FOXN3: variants seen among roughly 807,000 people sequenced by gnomAD.
FOXN3 encodes the protein forkhead box N3.
Under a neutral mutation model 38.4 loss-of-function variants are expected in FOXN3, and 7 were observed. The observed-to-expected ratio is 0.18, with a 90% CI of 0.10 to 0.34. The LOEUF (loss-of-function observed/expected upper bound fraction) is 0.34, where lower values mean the gene tolerates loss of function less well. Ranked by LOEUF, FOXN3 falls within the 10% of genes least tolerant of loss-of-function variation. The pLI, the probability that FOXN3 is intolerant of heterozygous loss-of-function variation, is 1.00. For synonymous variants in FOXN3, 230 were observed against 242.2 expected, an observed-to-expected ratio of 0.95 and a Z score of 0.47; for missense variants, 456 against 613.4, an observed-to-expected ratio of 0.74 and a Z score of 2.71.
chr14:89,500,277 G>A (rs527698943), intron 1 of FOXN3, among the ~76,000 whole-genome samples: 2 of 152,188 alleles, frequency 1.3e-5, no homozygotes, highest in Non-Finnish European at 2.9e-5. Flanking sequence ...TTGTGTGTTT[G>A]GAAGCCATCG....
At chr14:89,375,206 T>A (rs572999296) in intron 2 of FOXN3, among the ~76,000 whole-genome samples, 5 of 152,274 alleles carry the variant, frequency 3.3e-5, no homozygotes, top group African/African-American at 1.2e-4. Context: ...ATGTACATAT[T>A]AGTCAAAATA....
intron 4 of FOXN3, among the ~76,000 whole-genome samples, chr14:89,278,391 G>T (rs1161191556): frequency 6.6e-6 from 1 of 152,106 alleles, no homozygotes; most frequent in African/African-American, 2.4e-5. Context: ...ATGAGATTTG[G>T]TTGGAGACAC....
chr14:89,379,132 A>T (rs1324790559), intron 2 of FOXN3, among the ~76,000 whole-genome samples: 1 of 152,158 alleles, frequency 6.6e-6, no homozygotes, highest in Non-Finnish European at 1.5e-5. Flanking sequence ...CATTTAAGGA[A>T]ACTAAACTCA....
intron 3 of FOXN3, among the ~76,000 whole-genome samples, chr14:89,306,559 G>A (rs1271720740): frequency 6.6e-6 from 1 of 152,078 alleles, no homozygotes; most frequent in Admixed American, 6.6e-5. Context: ...AGTAGAGACG[G>A]GGTTTCACTG....
At chr14:89,605,877 G>C (rs1047323903) in intron 1 of FOXN3, among the ~76,000 whole-genome samples, 3 of 152,208 alleles carry the variant, frequency 2.0e-5, no homozygotes, top group Admixed American at 6.5e-5. Context: ...CACTTTGAGA[G>C]ACTAACGCAG....
chr14:89,502,740 G>A lies in FOXN3; in HGVS notation c.-14-90250C>T, dbSNP rs368477126. Reference sequence around the variant, plus strand: ...AGTGTCGGGGGGAAAGAAGGAGTAGGTGTCTCACAGGGGGTCATCCCAAGG... The same window carrying A: ...AGTGTCGGGGGGAAAGAAGGAGTAGATGTCTCACAGGGGGTCATCCCAAGG... On this transcript the variant is annotated intron_variant, in intron 1 of 6. Transcript: ENST00000345097. 1.4e-3 allele frequency among the ~76,000 whole-genome samples: 217 copies of A among 152,280 alleles called. 1 individual carries two copies. Among genetic ancestry groups the A allele is most frequent in the African/African-American group, 5.0e-3 (207 of 41,554 alleles).
chr14:89,350,597 A>G (rs919694446), intron 3 of FOXN3, 75 bp downstream of exon 3: 1 of 1,285,084 alleles, frequency 7.8e-7, no homozygotes, highest in Non-Finnish European at 1.0e-6. Context: ...GGCCTATTAA[A>G]TTAATTTCCG....
At chr14:89,406,771 A>G (rs1017925280) in intron 2 of FOXN3, among the ~76,000 whole-genome samples, 2 of 127,766 alleles carry the variant, frequency 1.6e-5, no homozygotes, top group Admixed American at 1.8e-4. Context: ...AGCAAGAGGA[A>G]AGGTTAAAAA....
chr14:89,308,071 C>A (rs534798000), intron 3 of FOXN3, among the ~76,000 whole-genome samples: 2 of 152,228 alleles, frequency 1.3e-5, no homozygotes, highest in East Asian at 3.9e-4. Context: ...TCAAGACCAG[C>A]CTGGGCAACA....
At chr14:89,294,716 A>G (rs1243849523) in intron 3 of FOXN3, among the ~76,000 whole-genome samples, 2 of 152,204 alleles carry the variant, frequency 1.3e-5, no homozygotes, top group Non-Finnish European at 2.9e-5. Flanking sequence ...ACAGTTTACA[A>G]ATGCCATGCC....
intron 2 of FOXN3, among the ~76,000 whole-genome samples, chr14:89,381,016 C>A (rs1890627814): frequency 6.6e-6 from 1 of 151,874 alleles, no homozygotes; most frequent in Non-Finnish European, 1.5e-5. Flanking sequence ...GTGGCGTGTG[C>A]CCATAATCCC....
chr14:89,213,628 A>G (rs1884169966), intron 4 of FOXN3, among the ~76,000 whole-genome samples: 1 of 152,226 alleles, frequency 6.6e-6, no homozygotes, highest in Non-Finnish European at 1.5e-5. Flanking sequence ...AAATATACAG[A>G]TAAGTAAAAC....
intron 3 of FOXN3, among the ~76,000 whole-genome samples, chr14:89,307,556 C>T (rs1483732979): frequency 6.6e-6 from 1 of 152,124 alleles, no homozygotes; most frequent in African/African-American, 2.4e-5. Flanking sequence ...GACAGGCTCT[C>T]GTGAAAGTCG....
At chr14:89,327,235 T>C (rs1376001468) in intron 3 of FOXN3, among the ~76,000 whole-genome samples, 2 of 152,104 alleles carry the variant, frequency 1.3e-5, no homozygotes, top group Non-Finnish European at 2.9e-5. Context: ...TATGAAGAAG[T>C]ACACTAAGGA....
At chr14:89,220,037 T>C (rs1884414725) in intron 4 of FOXN3, among the ~76,000 whole-genome samples, 1 of 152,342 alleles carries the variant, frequency 6.6e-6, no homozygotes, top group Non-Finnish European at 1.5e-5. Flanking sequence ...ACTGATGAGC[T>C]GAACTTTATG....
At chr14:89,401,898 TA>T (rs1261141329) in intron 2 of FOXN3, among the ~76,000 whole-genome samples, 2 of 151,888 alleles carry the variant, frequency 1.3e-5, no homozygotes, top group African/African-American at 4.8e-5. Flanking sequence ...AAAGGAAGGG[TA>T]ATTGGAGAGC....
At chr14:89,405,701 C>T (rs61984697) in intron 2 of FOXN3, among the ~76,000 whole-genome samples, 21,553 of 152,042 alleles carry the variant, frequency 0.14, 1,623 homozygotes, top group Non-Finnish European at 0.18. Flanking sequence ...CCCATCTCAA[C>T]GGTACAAAAA....
intron 2 of FOXN3, among the ~76,000 whole-genome samples, chr14:89,360,566 G>GAGAC (rs1889440571): frequency 6.9e-6 from 1 of 143,950 alleles, no homozygotes; most frequent in African/African-American, 2.6e-5. Context: ...GAGGTGAGGA[G>GAGAC]AGAGAGAGAG....
chr14:89,520,349 T>G (rs1027504599), intron 1 of FOXN3, among the ~76,000 whole-genome samples: 1 of 152,130 alleles, frequency 6.6e-6, no homozygotes, highest in African/African-American at 2.4e-5. Flanking sequence ...ACGGGTTTTT[T>G]AAAAAAGATT....
Sources: allele counts gnomAD v4.1 joint callset (sites outside exome capture counted in the v4.1 genomes callset), GRCh38; gene constraint gnomAD v4.1.1; transcripts MANE v1.5; gene names NCBI Gene and HGNC (gene_info 2026-07-23, HGNC 2026-07-21).